GPM6B: variants seen among roughly 807,000 people sequenced by gnomAD.
GPM6B encodes the protein neuronal membrane glycoprotein M6-b.
In GPM6B, 4 loss-of-function variants were observed where a neutral mutation model predicts 27.2. The ratio of observed to expected loss-of-function variants is 0.15; its 90% CI spans 0.07 to 0.34. The LOEUF is 0.34. GPM6B is among the 10% of genes least tolerant of loss of function. The pLI is 1.00. For missense variants in GPM6B, 183 were observed against 261.9 expected (o/e 0.70, Z 2.08); for synonymous variants, 124 against 103.1 (o/e 1.20, Z -1.23).
upstream of GPM6B, among the ~76,000 whole-genome samples, chrX:13,819,960 T>C (rs1417575242): frequency 9.0e-6 from 1 of 111,070 alleles, no homozygotes; most frequent in Admixed American, 9.5e-5. Context: ...GAAGGGCATA[T>C]GAGAGGAAAA....
chrX:13,842,154 C>T (rs369795904), intron 1 of GPM6B, among the ~76,000 whole-genome samples: 57 of 112,355 alleles, frequency 5.1e-4, no homozygotes, highest in African/African-American at 1.7e-3. Context: ...TCTGGTACCA[C>T]GCCACAGCAC....
At chrX:13,775,128 G>A (rs987532873) in intron 7 of GPM6B, among the ~76,000 whole-genome samples, 2 of 112,151 alleles carry the variant, frequency 1.8e-5, no homozygotes, top group Admixed American at 9.4e-5. Flanking sequence ...AATCTTAGTT[G>A]GTTTTCCTGA....
chrX:13,936,371 T>C (rs1285345653), intron 1 of GPM6B, among the ~76,000 whole-genome samples: 1 of 112,149 alleles, frequency 8.9e-6, no homozygotes, highest in Non-Finnish European at 1.9e-5. Context: ...TCTACAAACC[T>C]CATCTATTTT....
At chrX:13,874,859 G>C (rs1408752963) in intron 1 of GPM6B, among the ~76,000 whole-genome samples, 1 of 111,461 alleles carries the variant, frequency 9.0e-6, no homozygotes, top group African/African-American at 3.3e-5. Flanking sequence ...GACTAAACGA[G>C]GTCAAACTCA....
At chrX:13,803,467 G>A (rs1181467594) in intron 2 of GPM6B, among the ~76,000 whole-genome samples, 1 of 111,786 alleles carries the variant, frequency 8.9e-6, no homozygotes, top group East Asian at 2.8e-4. Flanking sequence ...CCCGACTTCT[G>A]GAATTATCTG....
At chrX:13,863,350 G>A (rs894616262) in intron 1 of GPM6B, among the ~76,000 whole-genome samples, 1 of 111,537 alleles carries the variant, frequency 9.0e-6, no homozygotes, top group Non-Finnish European at 1.9e-5. Context: ...CTGCATTTCA[G>A]TCACTTGGGT....
intron 1 of GPM6B, 141 bp from the exon 2 acceptor site, chrX:13,807,910 G>A: frequency 2.1e-6 from 1 of 469,713 alleles, no homozygotes; most frequent in Non-Finnish European, 3.4e-6. Flanking sequence ...TTCAGTACCA[G>A]CATGATCCAT....
intron 1 of GPM6B, among the ~76,000 whole-genome samples, chrX:13,854,777 C>T (rs1276390344): frequency 8.9e-6 from 1 of 111,824 alleles, no homozygotes; most frequent in African/African-American, 3.2e-5. Flanking sequence ...TGGATATGAA[C>T]AATTATTATT....
chrX:13,913,063 A>G lies in GPM6B; in HGVS notation c.-198+25264T>C, dbSNP rs185205134. ...TGTAGCTGAGAGCCATATGCTTATA[A>G]TTAGAACATAGGAAGATATTAGATA... On this transcript the variant is annotated intron_variant, in intron 1 of 6. Coordinates refer to the GPM6B transcript ENST00000398361. Among the ~76,000 whole-genome samples the G allele has an allele frequency of 1.5e-3, 170 of 112,117 alleles. 2 individuals are homozygous for G. Among genetic ancestry groups the G allele is most frequent in the South Asian group, 1.9e-3 (5 of 2,701 alleles).
chrX:13,866,111 C>T (rs1227273271), intron 1 of GPM6B, among the ~76,000 whole-genome samples: 2 of 111,931 alleles, frequency 1.8e-5, no homozygotes, highest in Non-Finnish European at 3.8e-5. Flanking sequence ...CGCCTGTAAT[C>T]CCAGCACTTT....
chrX:13,920,061 CGA>C (rs1920951794), intron 1 of GPM6B, among the ~76,000 whole-genome samples: 1 of 109,245 alleles, frequency 9.2e-6, no homozygotes, highest in Non-Finnish European at 1.9e-5. Context: ...TTCAGGAGTT[CGA>C]GACCAGCCCG....
chrX:13,910,678 G>A (rs957175902), intron 1 of GPM6B, among the ~76,000 whole-genome samples: 2 of 112,811 alleles, frequency 1.8e-5, no homozygotes, highest in African/African-American at 6.4e-5. Context: ...TCTCAGCATC[G>A]ACGTCAAGCT....
intron 1 of GPM6B, among the ~76,000 whole-genome samples, chrX:13,858,643 A>G (rs766525817): frequency 9.0e-6 from 1 of 111,388 alleles, no homozygotes; most frequent in Non-Finnish European, 1.9e-5. Flanking sequence ...TTAAGTATGT[A>G]TTGTAACTGC....
chrX:13,846,950 T>C (rs957762937), intron 1 of GPM6B, among the ~76,000 whole-genome samples: 1 of 110,165 alleles, frequency 9.1e-6, no homozygotes, highest in Non-Finnish European at 1.9e-5. Flanking sequence ...GGGTGAGTGC[T>C]TTCTATCAAC....
chrX:13,921,632 G>A (rs1452800948), intron 1 of GPM6B, among the ~76,000 whole-genome samples: 2 of 102,820 alleles, frequency 1.9e-5, no homozygotes, highest in Admixed American at 1.1e-4. Flanking sequence ...CTGGAGTGCC[G>A]TGGCGCAATC....
chrX:13,914,809 A>G (rs1338315200), intron 1 of GPM6B, among the ~76,000 whole-genome samples: 1 of 112,328 alleles, frequency 8.9e-6, no homozygotes, highest in African/African-American at 3.2e-5. Flanking sequence ...CTGGCAGCCA[A>G]AGATGCTCCC....
intron 1 of GPM6B, among the ~76,000 whole-genome samples, chrX:13,880,881 G>A (rs1396914585): frequency 2.7e-5 from 3 of 109,458 alleles, no homozygotes; most frequent in Non-Finnish European, 5.7e-5. Flanking sequence ...GTTCAAATAC[G>A]TTACACCGGT....
chrX:13,788,073 G>A (rs56379225), intron 2 of GPM6B, among the ~76,000 whole-genome samples: 34,955 of 111,034 alleles, frequency 0.31, 4,255 homozygotes, highest in Non-Finnish European at 0.38. Context: ...ATGGACTAGT[G>A]GCTACCGTAT....
At chrX:13,878,695 G>A (rs1355502064) in intron 1 of GPM6B, among the ~76,000 whole-genome samples, 1 of 111,642 alleles carries the variant, frequency 9.0e-6, no homozygotes, top group Non-Finnish European at 1.9e-5. Flanking sequence ...CATGGCAAAC[G>A]GGGGATTAAG....
Sources: gnomAD v4.1 joint callset for allele counts (sites outside exome capture counted in the v4.1 genomes callset) on GRCh38, gnomAD v4.1.1 for gene constraint, MANE v1.5 for transcripts, NCBI Gene and HGNC (gene_info 2026-07-23, HGNC 2026-07-21) for gene names.